The following CDH11 variants were observed in gnomAD, a reference collection of about 807,000 sequenced individuals.
CDH11 encodes cadherin 11.
A neutral mutation model predicts 67.8 loss-of-function variants in CDH11; 11 were observed. The observed-to-expected ratio is 0.16, with a 90% confidence interval of 0.10 to 0.27. CDH11 has a LOEUF of 0.27. Ranked by LOEUF, CDH11 falls within the 10% of genes least tolerant of loss-of-function variation. The pLI is 1.00. For synonymous variants in CDH11, 419 were observed against 400.0 expected, an observed-to-expected ratio of 1.05 and a Z score of -0.57; for missense variants, 847 against 1,031.2, an observed-to-expected ratio of 0.82 and a Z score of 2.45.
chr16:64,971,200 T>C (rs1260925555), intron 11 of CDH11, among the ~76,000 whole-genome samples: 1 of 152,208 alleles, frequency 6.6e-6, no homozygotes, highest in Non-Finnish European at 1.5e-5. Flanking sequence ...TAAATTGCCT[T>C]ACAAAGTTGA....
At chr16:65,039,611 A>G (rs1239035370) in intron 2 of CDH11, among the ~76,000 whole-genome samples, 4 of 152,208 alleles carry the variant, frequency 2.6e-5, no homozygotes, top group Admixed American at 2.0e-4. Context: ...AAAACCCTAG[A>G]AGAAAACCTA....
chr16:65,103,405 G>T (rs954838500), intron 1 of CDH11, among the ~76,000 whole-genome samples: 1 of 151,970 alleles, frequency 6.6e-6, no homozygotes, highest in Non-Finnish European at 1.5e-5. Flanking sequence ...TGTAATAATC[G>T]CCATCATTAT....
chr16:65,013,625 C>G (rs1469783087), intron 2 of CDH11, among the ~76,000 whole-genome samples: 1 of 152,014 alleles, frequency 6.6e-6, no homozygotes, highest in Non-Finnish European at 1.5e-5. Context: ...GAGTTTGAGA[C>G]CAGACTGGCC....
intron 2 of CDH11, among the ~76,000 whole-genome samples, chr16:65,043,025 G>A (rs2073892798): frequency 6.6e-6 from 1 of 152,164 alleles, no homozygotes; most frequent in South Asian, 2.1e-4. Flanking sequence ...GCTACTCCAT[G>A]TAAATGCTGA....
intron 1 of CDH11, among the ~76,000 whole-genome samples, chr16:65,060,638 C>CCA (rs2074223567): frequency 2.0e-5 from 3 of 152,064 alleles, no homozygotes; most frequent in Admixed American, 2.0e-4. Flanking sequence ...CACATATGCT[C>CCA]CAGAATAACT....
intron 1 of CDH11, among the ~76,000 whole-genome samples, chr16:65,087,242 T>C (rs2142819688): frequency 6.6e-6 from 1 of 152,318 alleles, no homozygotes; most frequent in African/African-American, 2.4e-5. Context: ...CCTTTCTTTC[T>C]GAATCCAGGG....
chr16:65,078,526 T>C (rs187281347), intron 1 of CDH11, among the ~76,000 whole-genome samples: 140 of 152,270 alleles, frequency 9.2e-4, no homozygotes, highest in African/African-American at 3.2e-3. Flanking sequence ...AAATACATCA[T>C]TGAATACAAT....
rs1374935797 is a variant in CDH11 at position 64,950,994 on chromosome 16, C to T, written c.1667G>A (p.Arg556Gln). The change falls in exon 12 of 13, where the codon CGG becomes CAG. Residue 556 changes from arginine (R) to glutamine (Q), a missense_variant. By Grantham distance (43) the Arg-to-Gln change is conservative. Around this residue, in one of 2 missense-constraint regions of CDH11, gnomAD observed 612 missense variants for 678.7 expected, o/e 0.90. Coordinates refer to ENST00000268603, the MANE Select transcript of CDH11 (RefSeq NM_001797.4). ...NRDNTAGVYA[R>Q]RGGFSRQKQD... ...CTTCTGCCGACTGAACCCTCCACGC[C>T]GGGCGTACACGCCTGCTGTGTTATC... 55 of 1,613,794 alleles carry T rather than the reference C, an allele frequency of 3.4e-5. No individual in the cohort carries two copies. In the East Asian group the frequency reaches 7.4e-4, roughly 22 times the overall value.
At chr16:65,063,105 A>G (rs1020217365) in intron 1 of CDH11, among the ~76,000 whole-genome samples, 2 of 152,230 alleles carry the variant, frequency 1.3e-5, no homozygotes, top group East Asian at 3.8e-4. Context: ...GAAGAATGCG[A>G]AAAATCATTT....
intron 1 of CDH11, among the ~76,000 whole-genome samples, chr16:65,075,580 GC>G (rs1567563641): frequency 6.6e-6 from 1 of 152,120 alleles, no homozygotes; most frequent in African/African-American, 2.4e-5. Flanking sequence ...TGATCCTTTG[GC>G]AAGGATCTTT....
intron 2 of CDH11, among the ~76,000 whole-genome samples, chr16:65,033,253 CACACACACACACACACACAT>C (rs2073681798): frequency 7.0e-6 from 1 of 141,866 alleles, no homozygotes; most frequent in South Asian, 2.3e-4. Context: ...CACACACACA[CACACACACACACACACACAT>C]ACAGATTTTG....
chr16:65,118,754 CCTA>C (rs1230555769), intron 1 of CDH11: 1 of 152,124 alleles, frequency 6.6e-6, no homozygotes, highest in Non-Finnish European at 1.5e-5. Context: ...AAGTTTGATA[CCTA>C]CTTTCAAACT....
chr16:64,957,600 G>GCGCACACA lies in CDH11; in HGVS notation c.1643-6583_1643-6582insTGTGTGCG, dbSNP rs144912398. Among the ~76,000 whole-genome samples the GCGCACACA allele has an allele frequency of 6.9e-5, 10 of 145,080 alleles. No individual in the cohort carries two copies. The South Asian group carries it at 1.1e-3, about 16-fold the overall frequency. On this transcript the variant is annotated intron_variant, in intron 11 of 12. Coordinates refer to ENST00000268603, the MANE Select transcript of CDH11 (RefSeq NM_001797.4). ...TATTTCTGTGCCCACACATGCCCGT[G>GCGCACACA]CACACACACACACACACACACACAC...
At chr16:65,081,510 A>T (rs2074609607) in intron 1 of CDH11, among the ~76,000 whole-genome samples, 1 of 151,146 alleles carries the variant, frequency 6.6e-6, no homozygotes, top group South Asian at 2.1e-4. Context: ...CGGAGCTTGC[A>T]GTGAGCCGAG....
chr16:64,960,182 G>C (rs570257997), intron 11 of CDH11, among the ~76,000 whole-genome samples: 51 of 152,258 alleles, frequency 3.3e-4, no homozygotes, highest in African/African-American at 1.2e-3. Flanking sequence ...ATGAAAGAAT[G>C]CAAGGGCTGG....
chr16:64,968,906 A>T (rs931815198), intron 11 of CDH11, among the ~76,000 whole-genome samples: 3 of 152,334 alleles, frequency 2.0e-5, no homozygotes, highest in Non-Finnish European at 2.9e-5. Context: ...AGTAGAAAGA[A>T]AGTCTATTAA....
At chr16:65,113,726 T>C (rs2075198363) in intron 1 of CDH11, among the ~76,000 whole-genome samples, 1 of 152,218 alleles carries the variant, frequency 6.6e-6, no homozygotes, top group African/African-American at 2.4e-5. Flanking sequence ...CAGCCTGATA[T>C]GGTGACTAAG....
chr16:65,045,932 T>C (rs531240048), intron 2 of CDH11, among the ~76,000 whole-genome samples: 4 of 152,262 alleles, frequency 2.6e-5, no homozygotes, highest in African/African-American at 9.6e-5. Flanking sequence ...TCAGGAATTA[T>C]TTGATGAGTT....
Position 65,004,680 on chromosome 16 carries a change from C to G in CDH11, c.190G>C (p.Glu64Gln). 6.2e-7 allele frequency: 1 copy of G among 1,613,756 alleles called. No homozygotes were observed. Among genetic ancestry groups the G allele is most frequent in the Non-Finnish European group, 8.5e-7 (1 of 1,179,984 alleles). ...ACGGGGTCAGGCCCGGTGTACTCCT[C>G]TATCACGAAGAACTGGTTCCAGACC... The part of the protein sequence containing the change: ...GWVWNQFFVI[E>Q]EYTGPDPVLV... The change falls in exon 3 of 13, where the codon GAG becomes CAG. Residue 64 changes from glutamate to glutamine, a missense_variant. By Grantham distance (29) the Glu-to-Gln change is conservative (BLOSUM62 2). Transcript: ENST00000268603.
Sources: allele counts gnomAD v4.1 joint callset (sites outside exome capture counted in the v4.1 genomes callset), GRCh38; gene constraint gnomAD v4.1.1; regional missense constraint gnomAD v4.1.1; transcripts MANE v1.5; gene names NCBI Gene and HGNC (gene_info 2026-07-23, HGNC 2026-07-21).